RECQL4: variants seen among roughly 807,000 people sequenced by gnomAD.
RECQL4 encodes the protein ATP-dependent DNA helicase Q4.
In RECQL4, 158 loss-of-function variants were observed where a neutral mutation model predicts 128.6. The ratio of observed to expected loss-of-function variants is 1.23; its 90% CI spans 1.08 to 1.40. RECQL4 has a LOEUF of 1.40. RECQL4 is among the 40% of genes most tolerant of loss of function. The pLI, the probability that RECQL4 is intolerant of heterozygous loss-of-function variation, is 0.00. For missense variants in RECQL4, 2,293 were observed against 1,649.8 expected (o/e 1.39, Z -6.75); for synonymous variants, 996 against 678.9 (o/e 1.47, Z -7.26).
chr8:144,513,707 C>T lies in RECQL4; in HGVS notation c.2064G>A (p.Leu688=), dbSNP rs1586805619. 10 of 1,545,666 alleles carry T rather than the reference C, an allele frequency of 6.5e-6. No homozygotes were observed. The highest frequency in any genetic ancestry group is 8.7e-6 in the Non-Finnish European group (10 of 1,145,742). ...AACGTTTGCCTTGCAGCAGCGTCAA[C>T]AGTGCCTGATGAGGAGCGGTTGGCG... is the stretch of plus-strand genomic sequence containing the variant. The part of the protein sequence containing the change: ...VSMDRDTDQA[L]LTLLQGKRFQ... Residue 688 remains leucine (L), a synonymous_variant, in exon 13 of 21, where the codon CTG becomes CTA. Coordinates refer to ENST00000617875, the MANE Select transcript of RECQL4 (RefSeq NM_004260.4).
In RECQL4 at chr8:144,512,774, G is replaced by A. The variant is rs2130667896; in HGVS notation, c.2756-3C>T. On this transcript the variant is annotated splice_region_variant and splice_polypyrimidine_tract_variant and intron_variant, in intron 15 of 20. Coordinates refer to ENST00000617875, the MANE Select transcript of RECQL4 (RefSeq NM_004260.4). ...GTAGCACAGCAAAGTCTCGATGGCTGGGGGCAGAGCAGGGCTCAGCGGACG... is the reference window on the plus strand; with the variant it reads ...GTAGCACAGCAAAGTCTCGATGGCTAGGGGCAGAGCAGGGCTCAGCGGACG... The A allele has an allele frequency of 3.1e-6, 5 of 1,611,602 alleles. No homozygotes were observed. Among genetic ancestry groups the A allele is most frequent in the Non-Finnish European group, 4.2e-6 (5 of 1,179,724 alleles).
At chr8:144,514,857 G>C in intron 9 of RECQL4, 79 bp downstream of exon 9, 3 of 1,533,036 alleles carry the variant, frequency 2.0e-6, no homozygotes, top group Middle Eastern at 4.6e-4. Flanking sequence ...GTGGTTAGGG[G>C]ACAAGCAGCA....
At chr8:144,515,559 G>A (rs937050898) in intron 6 of RECQL4, 102 bp from the exon 7 acceptor site, 14 of 1,559,712 alleles carry the variant, frequency 9.0e-6, no homozygotes, top group African/African-American at 1.4e-5. Context: ...AGCAGGCAGT[G>A]CCCTTCCTCT....
chr8:144,516,283 C>T lies in RECQL4; in HGVS notation c.836G>A (p.Ser279Asn), dbSNP rs780327528. 2.5e-6 allele frequency: 4 copies of T among 1,611,314 alleles called. No homozygotes were observed. In the Admixed American group the frequency reaches 6.7e-5, roughly 27 times the overall value. Reference sequence around the variant, plus strand: ...CTCCGATGGGGGTCCAGCTTGGCTGCTCTCCTGCTGGACCTGTGCGGGGCT... The same window carrying T: ...CTCCGATGGGGGTCCAGCTTGGCTGTTCTCCTGCTGGACCTGTGCGGGGCT... Reference protein sequence around the residue: ...WESPAQVQQESSQAGPPSEGA... With the variant: ...WESPAQVQQENSQAGPPSEGA... Residue 279 changes from serine to asparagine, a missense_variant, in exon 5 of 21, where the codon AGC (serine) becomes AAC (asparagine). Physicochemically the swap from Ser to Asn is conservative, Grantham distance 46. Coordinates refer to ENST00000617875, the MANE Select transcript of RECQL4 (RefSeq NM_004260.4).
rs780500628 is a variant in RECQL4, at chr8:144,516,471, T to C, written c.648A>G (p.Glu216=). The part of the protein sequence containing the change: ...KACRPDLGSE[E]SQLLIPGESA... ...ACTCACCAGGGATCAGAAGTTGTGA[T>C]TCCTCTGAGCCTAGATCAGGCCTGC... Residue 216 remains glutamate (E), a synonymous_variant, in exon 5 of 21, where the codon GAA becomes GAG. Coordinates refer to ENST00000617875, the MANE Select transcript of RECQL4 (RefSeq NM_004260.4). The C allele has an allele frequency of 6.2e-7, 1 of 1,608,634 alleles. No individual in the cohort carries two copies. Among genetic ancestry groups the C allele is most frequent in the South Asian group, 1.1e-5 (1 of 91,012 alleles).
At chr8:144,511,578 C>G (rs540331650) in intron 20 of RECQL4, 23 bp from the exon 21 acceptor site, 1 of 1,609,416 alleles carries the variant, frequency 6.2e-7, no homozygotes, top group Non-Finnish European at 8.5e-7. Flanking sequence ...CAAGACACAG[C>G]CGTGAGCCCC....
chr8:144,514,657 T>G, intron 9 of RECQL4, 132 bp from the exon 10 acceptor site: 2 of 1,036,498 alleles, frequency 1.9e-6, no homozygotes, highest in African/African-American at 3.2e-5. Context: ...GTCCTAGGGC[T>G]AAGGGTTTAG....
At chr8:144,513,895 G>GC in intron 12 of RECQL4, 33 bp downstream of exon 12, 1 of 1,441,554 alleles carries the variant, frequency 6.9e-7, no homozygotes, top group Non-Finnish European at 9.3e-7. Flanking sequence ...AGCAGCCAGG[G>GC]CCCTGCAGGG....
chr8:144,511,991 CGAG>C lies in RECQL4; in HGVS notation c.3310_3312del (p.Leu1104del). Reference sequence around the variant, plus strand: ...CCTTCCTCTTCCTCAAAGTAGCGGCCGAGCAGGTCCTTGAGCCTGGTGCTGCGC... The same window carrying C: ...CCTTCCTCTTCCTCAAAGTAGCGGCCCAGGTCCTTGAGCCTGGTGCTGCGC... On this transcript the variant is annotated inframe_deletion, in exon 19 of 21. Coordinates refer to ENST00000617875, the MANE Select transcript of RECQL4 (RefSeq NM_004260.4). The C allele has an allele frequency of 6.2e-7, 1 of 1,610,458 alleles. No homozygotes were observed. Among genetic ancestry groups the C allele is most frequent in the Non-Finnish European group, 8.5e-7 (1 of 1,179,326 alleles).
chr8:144,513,399 A>G lies in RECQL4; in HGVS notation c.2282T>C (p.Met761Thr), dbSNP rs1586803043. The change falls in exon 14 of 21, where the codon ATG becomes ACG. Residue 761 changes from methionine to threonine, a missense_variant. By Grantham distance (81) the Met-to-Thr change is moderately conservative. Transcript: ENST00000617875. Reference protein sequence around the residue: ...RERRRVQRAFMQGQLRVVVAT... With the variant: ...RERRRVQRAFTQGQLRVVVAT... ...CACCACCACCCGCAACTGGCCCTGC[A>G]TGAAGGCTCGCTGTACCCGCCGCCG... 5 of 1,608,714 alleles carry G rather than the reference A, an allele frequency of 3.1e-6. No individual in the cohort carries two copies. Among genetic ancestry groups the G allele is most frequent in the East Asian group, 2.2e-5 (1 of 44,874 alleles).
rs1827970204 is a variant in RECQL4 at position 144,515,149 on chromosome 8, C to T, written c.1483+1G>A. On this transcript the variant is annotated splice_donor_variant, in intron 8 of 20. Coordinates refer to ENST00000617875, the MANE Select transcript of RECQL4 (RefSeq NM_004260.4). LOFTEE classifies it high-confidence loss of function. ...GCCTCAGCCCTGGCAGCCACGCTCA[C>T]CAGACAGGATCCGCATGACTGCACG... 1 of 1,566,598 alleles carries T rather than the reference C, an allele frequency of 6.4e-7. No homozygotes were observed. Among genetic ancestry groups the T allele is most frequent in the African/African-American group, 1.4e-5 (1 of 73,792 alleles).
chr8:144,512,917 C>A lies in RECQL4; in HGVS notation c.2685G>T (p.Arg895Ser), dbSNP rs1259701902. 6.3e-7 allele frequency: 1 copy of A among 1,583,514 alleles called. No individual in the cohort carries two copies. The highest frequency in any genetic ancestry group is 8.6e-7 in the Non-Finnish European group (1 of 1,165,084). Reference protein sequence around the residue: ...LSHQAAPGPRRVCMGHERALP... With the variant: ...LSHQAAPGPRSVCMGHERALP... ...GTGCCCGCTCATGGCCCATGCAGAC[C>A]CTTCTGGGTCCTGGGGCTGCTTGGT... The change falls in exon 15 of 21, where the codon AGG (arginine) becomes AGT (serine). Residue 895 changes from arginine (R) to serine (S), a missense_variant. By Grantham distance (110) the Arg-to-Ser change is moderately radical. Coordinates refer to ENST00000617875, the MANE Select transcript of RECQL4 (RefSeq NM_004260.4).
rs1453783558 is a variant in RECQL4, at chr8:144,513,094, G to A, written c.2508C>T (p.Ser836=). Residue 836 remains serine (S), a synonymous_variant, in exon 15 of 21, where the codon AGC becomes AGT. Transcript: ENST00000617875. ...RELRRHVHAD[S]TDFLAVKRLV... Reference sequence around the variant, plus strand: ...GCCTCTTCACAGCCAGGAAGTCCGTGCTGTCGGCGTGCACATGTCTGCGCA... The same window carrying A: ...GCCTCTTCACAGCCAGGAAGTCCGTACTGTCGGCGTGCACATGTCTGCGCA... The A allele has an allele frequency of 1.3e-6, 2 of 1,574,566 alleles. No individual in the cohort carries two copies. The highest frequency in any genetic ancestry group is 1.7e-6 in the Non-Finnish European group (2 of 1,158,216).
In RECQL4 at chr8:144,516,771, G is replaced by A. The variant is rs376295056; in HGVS notation, c.355-7C>T. On this transcript the variant is annotated splice_polypyrimidine_tract_variant and splice_region_variant and intron_variant, in intron 4 of 20. Coordinates refer to ENST00000617875, the MANE Select transcript of RECQL4 (RefSeq NM_004260.4). ...GGCCCAGGGCTGGTCCGGCCTGGGAGGGGAACAACAGAACAGCAGGAGGAA... is the reference window on the plus strand; with the variant it reads ...GGCCCAGGGCTGGTCCGGCCTGGGAAGGGAACAACAGAACAGCAGGAGGAA... 2.6e-6 allele frequency: 4 copies of A among 1,517,904 alleles called. No individual in the cohort carries two copies. In the African/African-American group the frequency reaches 5.6e-5, roughly 21 times the overall value. The allele number at this position is 1,517,904 out of a possible 1,614,324, so 94.0% of individuals were successfully genotyped here. A position where few individuals can be genotyped will look rare whatever the true frequency, so the allele number is the denominator to read the frequency against.
Position 144,513,448 on chromosome 8 carries a change from G to T in RECQL4, c.2233C>A (p.His745Asn), listed in dbSNP as rs747466614. Residue 745 changes from histidine to asparagine, a missense_variant, in exon 14 of 21, where the codon CAC becomes AAC. His to Asn is a moderately conservative substitution (Grantham distance 68). Coordinates refer to ENST00000617875, the MANE Select transcript of RECQL4 (RefSeq NM_004260.4). Reference protein sequence around the residue: ...RAPKTTAEAYHAGMCSRERRR... With the variant: ...RAPKTTAEAYNAGMCSRERRR... The stretch of plus-strand genomic sequence containing the variant: ...CGTTCCCGGCTGCACATGCCCGCGT[G>T]GTAGGCCTCGGCTGTGGTTTTGGGG... The T allele has an allele frequency of 1.9e-6, 3 of 1,609,806 alleles. No homozygotes were observed. Among genetic ancestry groups the T allele is most frequent in the South Asian group, 2.2e-5 (2 of 91,076 alleles).
In RECQL4 at chr8:144,515,895, G is replaced by C. The variant is rs756159792; in HGVS notation, c.1132-5C>G. 1.9e-6 allele frequency: 3 copies of C among 1,612,760 alleles called. No homozygotes were observed. The highest frequency in any genetic ancestry group is 1.3e-5 in the African/African-American group (1 of 74,928). ...CCGCCACTTCTGCTTCCATGCCTGG[G>C]GGGTGCCCACATAGGAGGGTCACTG... is the stretch of plus-strand genomic sequence containing the variant. On this transcript the variant is annotated splice_polypyrimidine_tract_variant and splice_region_variant and intron_variant, in intron 5 of 20. Coordinates refer to ENST00000617875, the MANE Select transcript of RECQL4 (RefSeq NM_004260.4).
intron 4 of RECQL4, 126 bp downstream of exon 4, chr8:144,516,924 T>C: frequency 2.8e-6 from 4 of 1,440,146 alleles, no homozygotes; most frequent in South Asian, 1.4e-5. Flanking sequence ...AGAAGCTCCC[T>C]GAAGACTCGT....
chr8:144,512,574 A>G lies in RECQL4; in HGVS notation c.2886-13T>C, dbSNP rs1423395440. On this transcript the variant is annotated splice_polypyrimidine_tract_variant and intron_variant, in intron 16 of 20. Transcript: ENST00000617875. ...CAAAGGGGGACACCTGTGCCCAGGG[A>G]AAAAGGGACATGTGGCCAACAGCCC... 2.5e-6 allele frequency: 4 copies of G among 1,611,782 alleles called. No homozygotes were observed. The African/African-American group carries it at 4.0e-5, about 16-fold the overall frequency.
Position 144,513,420 on chromosome 8 carries a change from C to A in RECQL4, c.2261G>T (p.Arg754Leu). The A allele has an allele frequency of 6.2e-7, 1 of 1,609,430 alleles. No individual in the cohort carries two copies. Among genetic ancestry groups the A allele is most frequent in the Non-Finnish European group, 8.5e-7 (1 of 1,179,764 alleles). ...YHAGMCSRER[R>L]RVQRAFMQGQ... ...CTGCATGAAGGCTCGCTGTACCCGC[C>A]GCCGTTCCCGGCTGCACATGCCCGC... is the stretch of plus-strand genomic sequence containing the variant. The change falls in exon 14 of 21, where the codon CGG (arginine) becomes CTG (leucine). Residue 754 changes from arginine to leucine, a missense_variant. Coordinates refer to ENST00000617875, the MANE Select transcript of RECQL4 (RefSeq NM_004260.4).
Sources: gnomAD v4.1 joint callset for allele counts on GRCh38, gnomAD v4.1.1 for gene constraint, MANE v1.5 for transcripts, NCBI Gene and HGNC (gene_info 2026-07-23, HGNC 2026-07-21) for gene names.